BRDT: variants seen among roughly 807,000 people sequenced by gnomAD.
The protein encoded by BRDT is bromodomain testis associated.
BRDT carries 77 observed loss-of-function variants against 113.9 expected under a neutral mutation model. The observed-to-expected ratio is 0.68, with a 90% CI of 0.56 to 0.82. The LOEUF (loss-of-function observed/expected upper bound fraction) is 0.82. BRDT is among the 40% of genes least tolerant of loss of function. The pLI is 0.00. For synonymous variants in BRDT, 358 were observed against 366.5 expected (o/e 0.98, Z 0.26); for missense variants, 1,027 against 1,105.4 (o/e 0.93, Z 1.01).
At chr1:91,960,294 C>G (rs1448188552) in intron 1 of BRDT, among the ~76,000 whole-genome samples, 1 of 151,914 alleles carries the variant, frequency 6.6e-6, no homozygotes, top group Non-Finnish European at 1.5e-5. Flanking sequence ...TGGAAGCAAC[C>G]CAAGTGGCAT....
At chr1:92,005,581 C>CT (rs1553197862) in intron 18 of BRDT, among the ~76,000 whole-genome samples, 3 of 152,068 alleles carry the variant, frequency 2.0e-5, no homozygotes, top group Non-Finnish European at 4.4e-5. Flanking sequence ...GAGTTAGAGG[C>CT]TGCAGGGAGC....
rs57800881 is a variant in BRDT, at chr1:91,961,628, CAGAG to C, written c.-37-1078_-37-1075del. Among the ~76,000 whole-genome samples the C allele has an allele frequency of 4.8e-3, 732 of 151,422 alleles. 2 individuals carry two copies. Among genetic ancestry groups the C allele is most frequent in the African/African-American group, 0.017 (701 of 41,368 alleles). On this transcript the variant is annotated intron_variant, in intron 1 of 18. Coordinates refer to ENST00000399546, the MANE Select transcript of BRDT (RefSeq NM_207189.4). ...TGGGCAACAGAATGAGACTCCATCT[CAGAG>C]AGAGAGAGAGACACCATAAATTAAT...
chr1:91,956,541 C>G (rs913230295), intron 1 of BRDT, among the ~76,000 whole-genome samples: 1 of 152,090 alleles, frequency 6.6e-6, no homozygotes, highest in Non-Finnish European at 1.5e-5. Flanking sequence ...GTTTTTAATT[C>G]TATTAAGTTT....
chr1:91,980,261 G>A (rs549021936), intron 8 of BRDT, among the ~76,000 whole-genome samples: 92 of 152,188 alleles, frequency 6.0e-4, no homozygotes, highest in Non-Finnish European at 1.1e-3. Flanking sequence ...TCAAAAAAAC[G>A]AGGCAGGAGG....
chr1:91,964,838 A>C, intron 3 of BRDT, 74 bp downstream of exon 3: 1 of 1,076,780 alleles, frequency 9.3e-7, no homozygotes, highest in Non-Finnish European at 1.3e-6. Flanking sequence ...AAATCATGTG[A>C]TCATTTCAGA....
At chr1:91,974,892 A>T (rs1683978523) in intron 4 of BRDT, among the ~76,000 whole-genome samples, 1 of 152,356 alleles carries the variant, frequency 6.6e-6, no homozygotes, top group Admixed American at 6.5e-5. Flanking sequence ...CAAATGTCCA[A>T]CAATGATAGA....
chr1:92,010,816 C>T (rs1374571333), intron 18 of BRDT, among the ~76,000 whole-genome samples: 1 of 152,050 alleles, frequency 6.6e-6, no homozygotes, highest in East Asian at 1.9e-4. Flanking sequence ...TTTTAATGTG[C>T]TTCTCTGCTA....
rs201610126 is a variant in BRDT at position 91,980,714 on chromosome 1, G to C, written c.1359G>C (p.Glu453Asp). Residue 453 changes from glutamate to aspartate, a missense_variant, in exon 9 of 19, where the codon GAG becomes GAC. Transcript: ENST00000399546. ...TCCGTAAGCTAAATAAAAAGAAAGA[G>C]AAGTCTAAAAAGGAAAAGAAAAAAG... ...VPFRKLNKKK[E>D]KSKKEKKKEK... 3.0e-5 allele frequency: 49 copies of C among 1,607,088 alleles called. 1 individual carries two copies. The highest frequency in any genetic ancestry group is 3.3e-4 in the Middle Eastern group (2 of 5,982).
In BRDT at chr1:91,981,708, G is replaced by A; in HGVS notation, c.1955G>A (p.Ser652Asn). The part of the protein sequence containing the change: ...SSSSSSSESE[S>N]SSSDLSSSDS... ...AGCAGCAGCTCATCAGAGTCTGAAA[G>A]TAGCAGCAGTGACTTAAGCTCTTCA... is the stretch of plus-strand genomic sequence containing the variant. Residue 652 changes from serine to asparagine, a missense_variant, in exon 12 of 19, where the codon AGT becomes AAT. By Grantham distance (46) the Ser-to-Asn change is conservative. Coordinates refer to ENST00000399546, the MANE Select transcript of BRDT (RefSeq NM_207189.4). 1 of 1,614,186 alleles carries A rather than the reference G, an allele frequency of 6.2e-7. No homozygotes were observed. The highest frequency in any genetic ancestry group is 8.5e-7 in the Non-Finnish European group (1 of 1,180,014).
At chr1:91,954,478 C>T (rs536627112) in intron 1 of BRDT, among the ~76,000 whole-genome samples, 15 of 152,128 alleles carry the variant, frequency 9.9e-5, no homozygotes, top group African/African-American at 3.6e-4. Flanking sequence ...CAAGATCTCA[C>T]TCTGTTGCCC....
At chr1:91,952,777 C>CAAAAAAAA (rs66618367) in intron 1 of BRDT, among the ~76,000 whole-genome samples, 4 of 74,870 alleles carry the variant, frequency 5.3e-5, no homozygotes, top group Non-Finnish European at 1.0e-4. Context: ...GACCCATCTC[C>CAAAAAAAA]AAAAAAAAAA....
At position 91,976,580 on chromosome 1, in the gene BRDT, C is replaced by T; in HGVS notation, c.618+142C>T. 3 of 820,984 alleles carry T rather than the reference C, an allele frequency of 3.7e-6. No individual in the cohort carries two copies. The South Asian group carries it at 7.4e-5, about 20-fold the overall frequency. 50.9% of individuals were successfully genotyped at this position (820,984 alleles called of 1,614,324 possible). A position where few individuals can be genotyped will look rare whatever the true frequency, so the allele number is the denominator to read the frequency against. Reference sequence around the variant, plus strand: ...CTAGCAATCTGAAATAATACTGTTTCCGCCTCTCTATGCATTTTATGAATA... The same window carrying T: ...CTAGCAATCTGAAATAATACTGTTTTCGCCTCTCTATGCATTTTATGAATA... On this transcript the variant is annotated intron_variant, in intron 5 of 18. Coordinates refer to ENST00000399546, the MANE Select transcript of BRDT (RefSeq NM_207189.4).
At chr1:91,990,698 C>T (rs761684214) in intron 12 of BRDT, among the ~76,000 whole-genome samples, 1 of 152,106 alleles carries the variant, frequency 6.6e-6, no homozygotes, top group East Asian at 1.9e-4. Context: ...AAGCAGGTAT[C>T]CCTTTAGAAA....
At chr1:91,959,362 G>A (rs985817537) in intron 1 of BRDT, among the ~76,000 whole-genome samples, 1 of 151,432 alleles carries the variant, frequency 6.6e-6, no homozygotes, top group Non-Finnish European at 1.5e-5. Flanking sequence ...AGCCAGTTTA[G>A]TTGTGACATC....
intron 12 of BRDT, among the ~76,000 whole-genome samples, chr1:91,982,918 A>G (rs2101686786): frequency 1.3e-5 from 2 of 152,334 alleles, no homozygotes; most frequent in African/African-American, 4.8e-5. Flanking sequence ...TAGTATTTTC[A>G]ATTGTAATTA....
At chr1:91,951,759 G>C in intron 1 of BRDT, among the ~76,000 whole-genome samples, 1 of 151,816 alleles carries the variant, frequency 6.6e-6, no homozygotes, top group East Asian at 1.9e-4. Flanking sequence ...GGGCGACAGA[G>C]TGAGACTCCA....
chr1:91,996,620 TAGGATTAAGTA>T (rs1686364910), intron 15 of BRDT, among the ~76,000 whole-genome samples: 1 of 152,200 alleles, frequency 6.6e-6, no homozygotes, highest in Non-Finnish European at 1.5e-5. Flanking sequence ...CTGATGTAGT[TAGGATTAAGTA>T]AGGACACTGA....
chr1:91,956,646 G>A (rs753142207), intron 1 of BRDT, among the ~76,000 whole-genome samples: 3 of 152,136 alleles, frequency 2.0e-5, no homozygotes, highest in Non-Finnish European at 4.4e-5. Flanking sequence ...ATATCTAAAA[G>A]CTTGATTAGG....
chr1:91,959,042 G>A (rs1234513707), intron 1 of BRDT, among the ~76,000 whole-genome samples: 1 of 151,788 alleles, frequency 6.6e-6, no homozygotes, highest in Non-Finnish European at 1.5e-5. Flanking sequence ...GTAAGACCCT[G>A]ACTCAAAAAA....
Sources: allele counts gnomAD v4.1 joint callset (sites outside exome capture counted in the v4.1 genomes callset), GRCh38; gene constraint gnomAD v4.1.1; transcripts MANE v1.5; gene names NCBI Gene and HGNC (gene_info 2026-07-23, HGNC 2026-07-21).